Variants in DUOX1 observed in about 807,000 individuals in gnomAD.
The protein encoded by DUOX1 is dual oxidase 1.
DUOX1 carries 134 observed loss-of-function variants against 181.8 expected under a neutral mutation model. That is an observed-to-expected ratio of 0.74 (90% CI 0.64 to 0.85). The LOEUF (loss-of-function observed/expected upper bound fraction) is 0.85. DUOX1 is among the 40% of genes least tolerant of loss of function. DUOX1 has a pLI of 0.00. For synonymous variants in DUOX1, 798 were observed against 832.5 expected (o/e 0.96, Z 0.71); for missense variants, 1,814 against 2,064.4 (o/e 0.88, Z 2.35).
In DUOX1 at chr15:45,163,589, A is replaced by C. The variant is rs1897157756; in HGVS notation, c.4306A>C (p.Ile1436Leu). Residue 1436 changes from isoleucine (I) to leucine (L), a missense_variant, in exon 32 of 34, where the codon ATC becomes CTC. Coordinates refer to ENST00000389037, the MANE Select transcript of DUOX1 (RefSeq NM_175940.3). ...TCAGTTTGAGTGGCTGGCTGACATCATCCGAGAGGTGGAGGAGAATGACCA... is the reference window on the plus strand; with the variant it reads ...TCAGTTTGAGTGGCTGGCTGACATCCTCCGAGAGGTGGAGGAGAATGACCA... ...QRQFEWLADI[I>L]REVEENDHQD... is the part of the protein sequence containing the mutation. 2 of 1,614,116 alleles carry C rather than the reference A, an allele frequency of 1.2e-6. No individual in the cohort carries two copies. Among genetic ancestry groups the C allele is most frequent in the East Asian group, 2.2e-5 (1 of 44,874 alleles).
chr15:45,145,090 T>C lies in DUOX1; in HGVS notation c.2322+10T>C, dbSNP rs764358088. 4.4e-6 allele frequency: 7 copies of C among 1,589,104 alleles called. No homozygotes were observed. The highest frequency in any genetic ancestry group is 2.7e-5 in the African/African-American group (2 of 74,296). ...GCACCTTTTCTCCCAGGTGTGTACATGGGACCAGATCAATCCTTATGCTGT... is the reference window on the plus strand; with the variant it reads ...GCACCTTTTCTCCCAGGTGTGTACACGGGACCAGATCAATCCTTATGCTGT... On this transcript the variant is annotated intron_variant, in intron 18 of 33. Transcript: ENST00000389037.
intron 28 of DUOX1, among the ~76,000 whole-genome samples, chr15:45,160,329 G>A (rs1239451932): frequency 6.6e-6 from 1 of 152,196 alleles, no homozygotes; most frequent in African/African-American, 2.4e-5. Flanking sequence ...TTCCAGGCAG[G>A]AGATGCAAAG....
chr15:45,158,605 G>C (rs1595595494), intron 28 of DUOX1, among the ~76,000 whole-genome samples: 2 of 149,980 alleles, frequency 1.3e-5, no homozygotes, highest in South Asian at 2.1e-4. Flanking sequence ...GGGAGGCTGA[G>C]GCAGGGGAAT....
chr15:45,157,907 C>T (rs1043050114), intron 28 of DUOX1, among the ~76,000 whole-genome samples: 2 of 152,102 alleles, frequency 1.3e-5, no homozygotes, highest in African/African-American at 4.8e-5. Context: ...ACAATCTCAT[C>T]TCAGGGAGAT....
intron 28 of DUOX1, among the ~76,000 whole-genome samples, chr15:45,158,700 CAAAAAAAAAAAAAAAAA>C (rs58522871): frequency 2.3e-4 from 11 of 47,022 alleles, no homozygotes; most frequent in African/African-American, 7.0e-4. Context: ...ACTTCCATCT[CAAAAAAAAAAAAAAAAA>C]AAAAAAAAAA....
intron 30 of DUOX1, 91 bp from the exon 31 acceptor site, chr15:45,162,128 T>C (rs1897120036): frequency 1.3e-6 from 2 of 1,537,316 alleles, no homozygotes; most frequent in Admixed American, 1.8e-5. Context: ...CCTCACTCCA[T>C]ATACGTATCT....
In DUOX1 at chr15:45,148,810, C is replaced by T. The variant is rs183135908; in HGVS notation, c.2818+363C>T. Among the ~76,000 whole-genome samples the T allele has an allele frequency of 2.6e-3, 395 of 152,102 alleles. 6 individuals are homozygous for T. Among genetic ancestry groups the T allele is most frequent in the Middle Eastern group, 0.01 (3 of 294 alleles). ...TTCCCCTGGCTCCCTGCCAAAGCCC[C>T]CTGTGCGTGGTGCCCAGGGCAGGGG... On this transcript the variant is annotated intron_variant, in intron 21 of 33. Coordinates refer to ENST00000389037, the MANE Select transcript of DUOX1 (RefSeq NM_175940.3).
At chr15:45,160,265 T>C (rs978138989) in intron 28 of DUOX1, among the ~76,000 whole-genome samples, 2 of 152,092 alleles carry the variant, frequency 1.3e-5, no homozygotes, top group Non-Finnish European at 2.9e-5. Flanking sequence ...GTGTTTCTAC[T>C]GAGACCTGAA....
chr15:45,139,046 C>T lies in DUOX1; in HGVS notation c.1114-20C>T, dbSNP rs1567010287. The T allele has an allele frequency of 1.2e-6, 2 of 1,608,950 alleles. No homozygotes were observed. Among genetic ancestry groups the T allele is most frequent in the Non-Finnish European group, 1.7e-6 (2 of 1,177,374 alleles). ...CCCCATTAACCACACCCCTTTCCTCCCCACCCCCAACCTATAAAGCACCCA... is the reference window on the plus strand; with the variant it reads ...CCCCATTAACCACACCCCTTTCCTCTCCACCCCCAACCTATAAAGCACCCA... On this transcript the variant is annotated intron_variant, in intron 10 of 33. Transcript: ENST00000389037.
In DUOX1 at chr15:45,165,158, G is replaced by A; in HGVS notation, c.*257G>A. ...GAAGTAGGGGAGCTACTGATTTGGG[G>A]CAAAGTGAAACCTCTGCTTCCAGAC... On this transcript the variant is annotated 3_prime_UTR_variant, in exon 34 of 34. Coordinates refer to ENST00000389037, the MANE Select transcript of DUOX1 (RefSeq NM_175940.3). The A allele has an allele frequency of 1.9e-6, 1 of 537,016 alleles. No homozygotes were observed. The highest frequency in any genetic ancestry group is 3.3e-6 in the Non-Finnish European group (1 of 301,280). 33.3% of individuals were successfully genotyped at this position (537,016 alleles called of 1,614,324 possible). A position where few individuals can be genotyped will look rare whatever the true frequency, so the allele number is the denominator to read the frequency against.
chr15:45,138,891 C>A (rs564233180), intron 10 of DUOX1, 175 bp from the exon 11 acceptor site: 2 of 615,608 alleles, frequency 3.2e-6, no homozygotes, highest in Non-Finnish European at 5.7e-6. Flanking sequence ...AGAGGGGACA[C>A]CCCTCACCCT....
At position 45,161,873 on chromosome 15, in the gene DUOX1, C is replaced by T. The variant is rs374344810; in HGVS notation, c.3992C>T (p.Thr1331Met). ...CTGACCTCTGCGCCCCATGAGGACA[C>T]GCTTAGCCTGCACATCCGGGCAGCA... The part of the protein sequence containing the change: ...FTLTSAPHED[T>M]LSLHIRAAGP... Residue 1331 changes from threonine to methionine, a missense_variant, in exon 30 of 34, where the codon ACG becomes ATG. By Grantham distance (81) the Thr-to-Met change is moderately conservative. This residue lies in a region of DUOX1 where 279 missense variants were observed against 381.9 expected (regional missense o/e 0.73). Coordinates refer to ENST00000389037, the MANE Select transcript of DUOX1 (RefSeq NM_175940.3). The T allele has an allele frequency of 7.4e-6, 12 of 1,613,942 alleles. No individual in the cohort carries two copies. The highest frequency in any genetic ancestry group is 2.2e-5 in the East Asian group (1 of 44,870).
Position 45,147,562 on chromosome 15 carries a change from A to G in DUOX1, c.2452A>G (p.Met818Val), listed in dbSNP as rs1418794607. The change falls in exon 19 of 34, where the codon ATG becomes GTG. Residue 818 changes from methionine (M) to valine (V), a missense_variant. Around this residue, in one of 5 missense-constraint regions of DUOX1, gnomAD observed 1,064 missense variants for 1,152.9 expected, o/e 0.92. Coordinates refer to ENST00000389037, the MANE Select transcript of DUOX1 (RefSeq NM_175940.3). ...GTCCCTGGGCCTCAAGCCCCAGGAC[A>G]TGTTTGTGGAGTCCATGTTCTCTCT... is the stretch of plus-strand genomic sequence containing the variant. ...AESLGLKPQD[M>V]FVESMFSLAD... The G allele has an allele frequency of 6.2e-7, 1 of 1,614,094 alleles. No homozygotes were observed. Among genetic ancestry groups the G allele is most frequent in the East Asian group, 2.2e-5 (1 of 44,882 alleles).
chr15:45,159,522 A>G (rs564517096), intron 28 of DUOX1, among the ~76,000 whole-genome samples: 1 of 152,258 alleles, frequency 6.6e-6, no homozygotes, highest in East Asian at 1.9e-4. Context: ...GGAAGGTCCT[A>G]AGGAGAGGTG....
chr15:45,163,966 T>G, intron 33 of DUOX1, 48 bp downstream of exon 33: 1 of 1,599,562 alleles, frequency 6.3e-7, no homozygotes, highest in Non-Finnish European at 8.5e-7. Flanking sequence ...TCATTTGGGG[T>G]CTGAGCAAAG....
chr15:45,151,079 G>T, intron 22 of DUOX1, 44 bp from the exon 23 acceptor site: 1 of 1,609,740 alleles, frequency 6.2e-7, no homozygotes, highest in South Asian at 1.1e-5. Context: ...AGGAACGAGT[G>T]GTTGAGATGG....
intron 11 of DUOX1, 32 bp from the exon 12 acceptor site, chr15:45,139,395 C>T (rs1258192896): frequency 1.2e-6 from 2 of 1,604,224 alleles, no homozygotes; most frequent in African/African-American, 1.3e-5. Context: ...TGGCCCTGAG[C>T]TCCCTCAGAC....
rs752236389 is a variant in DUOX1, at chr15:45,161,802, G to A, written c.3921G>A (p.Arg1307=). ...AGTACAAGTCAGGGCAGTGGGTGCG[G>A]ATCGCTTGCCTGGCTCTGGGGACCA... ...GFEYKSGQWV[R]IACLALGTTE... is the part of the protein sequence containing the mutation. The change falls in exon 30 of 34, where the codon CGG becomes CGA. Residue 1307 remains arginine, a synonymous_variant. Coordinates refer to ENST00000389037, the MANE Select transcript of DUOX1 (RefSeq NM_175940.3). 2 of 1,614,012 alleles carry A rather than the reference G, an allele frequency of 1.2e-6. No homozygotes were observed. The highest frequency in any genetic ancestry group is 2.2e-5 in the South Asian group (2 of 91,060).
chr15:45,148,471 C>T, intron 21 of DUOX1, 24 bp downstream of exon 21: 1 of 1,599,434 alleles, frequency 6.3e-7, no homozygotes, highest in African/African-American at 1.3e-5. Flanking sequence ...GTAGGCAGCA[C>T]TGACTCATTG....
Sources: allele counts gnomAD v4.1 joint callset (sites outside exome capture counted in the v4.1 genomes callset), GRCh38; gene constraint gnomAD v4.1.1; regional missense constraint gnomAD v4.1.1; transcripts MANE v1.5; gene names NCBI Gene and HGNC (gene_info 2026-07-23, HGNC 2026-07-21).